The following PTPRD variants were observed in gnomAD, a reference collection of about 807,000 sequenced individuals.
PTPRD encodes protein tyrosine phosphatase receptor type D.
Under a neutral mutation model 214.5 loss-of-function variants are expected in PTPRD, and 34 were observed. That is an observed-to-expected ratio of 0.16 (90% CI 0.12 to 0.21). The LOEUF (loss-of-function observed/expected upper bound fraction) is 0.21. PTPRD is among the 10% of genes least tolerant of loss of function. PTPRD has a pLI of 1.00. For synonymous variants in PTPRD, 1,128 were observed against 845.7 expected, an observed-to-expected ratio of 1.33 and a Z score of -5.79; for missense variants, 2,545 against 2,398.7, an observed-to-expected ratio of 1.06 and a Z score of -1.27.
intron 14 of PTPRD, among the ~76,000 whole-genome samples, chr9:8,545,548 T>C (rs149158352): frequency 8.5e-5 from 13 of 152,332 alleles, no homozygotes; most frequent in African/African-American, 3.1e-4. Context: ...TATCACTGAT[T>C]TCATCACAGT....
At chr9:9,605,689 A>G (rs1430516706) in intron 7 of PTPRD, among the ~76,000 whole-genome samples, 1 of 152,090 alleles carries the variant, frequency 6.6e-6, no homozygotes, top group African/African-American at 2.4e-5. Context: ...AGGGAGAACA[A>G]TTAGGAAGTG....
intron 14 of PTPRD, among the ~76,000 whole-genome samples, chr9:8,555,447 T>G (rs2140986572): frequency 6.6e-6 from 1 of 152,316 alleles, no homozygotes; most frequent in South Asian, 2.1e-4. Flanking sequence ...TACTTGGTAA[T>G]CAACCACATG....
At chr9:10,472,954 T>C (rs1370660085) in intron 2 of PTPRD, among the ~76,000 whole-genome samples, 1 of 152,000 alleles carries the variant, frequency 6.6e-6, no homozygotes, top group Non-Finnish European at 1.5e-5. Context: ...TGCATATAAA[T>C]TGTTTACTTA....
intron 5 of PTPRD, among the ~76,000 whole-genome samples, chr9:9,819,003 T>C (rs1332467174): frequency 6.6e-6 from 1 of 152,072 alleles, no homozygotes; most frequent in Non-Finnish European, 1.5e-5. Context: ...ATTTTCTCAT[T>C]TAAATGTAAA....
chr9:8,459,300 G>A (rs534186682), intron 33 of PTPRD, among the ~76,000 whole-genome samples: 21 of 152,160 alleles, frequency 1.4e-4, no homozygotes, highest in African/African-American at 4.6e-4. Context: ...GTTAGGGACA[G>A]GGAGAGAAGC....
Position 9,651,461 on chromosome 9 carries a change from T to C in PTPRD, c.-286-76680A>G, listed in dbSNP as rs115092015. Among the ~76,000 whole-genome samples, 975 of 152,256 alleles carry C rather than the reference T, an allele frequency of 6.4e-3. 8 individuals are homozygous for C. The highest frequency in any genetic ancestry group is 0.023 in the African/African-American group (942 of 41,530). On this transcript the variant is annotated intron_variant, in intron 7 of 45. Transcript: ENST00000381196. ...TCTATGTGTCCATTTGTTCTCATCA[T>C]TTGGCTCCCACTTGCAAGCGAGAAC...
At chr9:10,177,406 A>C (rs986747988) in intron 3 of PTPRD, among the ~76,000 whole-genome samples, 12 of 151,654 alleles carry the variant, frequency 7.9e-5, no homozygotes, top group African/African-American at 2.9e-4. Flanking sequence ...TGCTAGAATA[A>C]TGAGTTTGTG....
intron 14 of PTPRD, among the ~76,000 whole-genome samples, chr9:8,580,421 C>G (rs1056863763): frequency 3.9e-5 from 6 of 152,210 alleles, no homozygotes; most frequent in Middle Eastern, 3.4e-3. Context: ...AATATAGACC[C>G]AAGGTATGAG....
intron 2 of PTPRD, among the ~76,000 whole-genome samples, chr9:10,552,859 A>G (rs2061641198): frequency 6.6e-6 from 1 of 152,230 alleles, no homozygotes. Context: ...TATGGAAAAA[A>G]GGAAACCTAT....
intron 10 of PTPRD, among the ~76,000 whole-genome samples, chr9:9,169,625 C>CTCCT (rs1402184344): frequency 1.3e-5 from 2 of 152,112 alleles, no homozygotes; most frequent in Admixed American, 1.3e-4. Flanking sequence ...AGCTTTGTTA[C>CTCCT]TCCTTCTTTC....
At chr9:9,840,126 C>T (rs1222937020) in intron 5 of PTPRD, among the ~76,000 whole-genome samples, 1 of 151,974 alleles carries the variant, frequency 6.6e-6, no homozygotes, top group Admixed American at 6.6e-5. Flanking sequence ...CAACTTCCAC[C>T]TCCCGGGTTC....
chr9:8,412,091 T>A (rs1243126335), intron 35 of PTPRD, among the ~76,000 whole-genome samples: 1 of 152,172 alleles, frequency 6.6e-6, no homozygotes, highest in Non-Finnish European at 1.5e-5. Flanking sequence ...AAATCACTTA[T>A]AAAGTATGAT....
chr9:8,806,259 G>C (rs964297463), intron 11 of PTPRD, among the ~76,000 whole-genome samples: 6 of 149,612 alleles, frequency 4.0e-5, no homozygotes, highest in Non-Finnish European at 7.4e-5. Flanking sequence ...GGGCGGGGGG[G>C]GGATTTTTAA....
intron 8 of PTPRD, among the ~76,000 whole-genome samples, chr9:9,529,239 C>A (rs1161839008): frequency 1.3e-5 from 2 of 149,796 alleles, no homozygotes; most frequent in African/African-American, 4.9e-5. Flanking sequence ...CCGAATTTAC[C>A]AGTTTCTTAG....
chr9:8,564,090 G>A (rs2087752803), intron 14 of PTPRD, among the ~76,000 whole-genome samples: 2 of 152,182 alleles, frequency 1.3e-5, no homozygotes, highest in South Asian at 4.1e-4. Context: ...CTCTGGTGAT[G>A]CTGGACAGCA....
chr9:8,950,100 A>G lies in PTPRD; in HGVS notation c.-104+68597T>C, dbSNP rs983576974. Among the ~76,000 whole-genome samples, 5 of 152,156 alleles carry G rather than the reference A, an allele frequency of 3.3e-5. No individual in the cohort carries two copies. The South Asian group carries it at 1.0e-3, about 31-fold the overall frequency. On this transcript the variant is annotated intron_variant, in intron 11 of 45. Coordinates refer to ENST00000381196, the MANE Select transcript of PTPRD (RefSeq NM_002839.4). ...CTATTTTACAAGTGAGAAAATGTCT[A>G]TTTACAAGTGACTTGGCCAACATGA...
intron 8 of PTPRD, among the ~76,000 whole-genome samples, chr9:9,421,086 T>C (rs2078636297): frequency 6.6e-6 from 1 of 152,028 alleles, no homozygotes; most frequent in South Asian, 2.1e-4. Flanking sequence ...GTCAATTACA[T>C]ATTTGTAAAT....
chr9:9,115,579 A>G (rs181435762), intron 10 of PTPRD, among the ~76,000 whole-genome samples: 32 of 152,302 alleles, frequency 2.1e-4, no homozygotes, highest in Admixed American at 1.9e-3. Flanking sequence ...TAGATTTCTC[A>G]AAGAACTGAA....
chr9:9,043,002 A>C (rs1265206514), intron 10 of PTPRD, among the ~76,000 whole-genome samples: 1 of 152,264 alleles, frequency 6.6e-6, no homozygotes, highest in East Asian at 1.9e-4. Flanking sequence ...AGGCAATCTT[A>C]TCTGTTACCA....
Sources: allele counts gnomAD v4.1 joint callset (sites outside exome capture counted in the v4.1 genomes callset), GRCh38; gene constraint gnomAD v4.1.1; transcripts MANE v1.5; gene names NCBI Gene and HGNC (gene_info 2026-07-23, HGNC 2026-07-21).